The following DOCK1 variants were observed in gnomAD, a reference collection of about 807,000 sequenced individuals.
DOCK1 encodes dedicator of cytokinesis protein 1.
DOCK1 carries 138 observed loss-of-function variants against 262.7 expected under a neutral mutation model. The observed-to-expected ratio is 0.53, with a 90% CI of 0.46 to 0.61. The LOEUF is 0.61. Ranked by LOEUF, DOCK1 falls within the 20% of genes least tolerant of loss-of-function variation. The pLI, the probability that DOCK1 is intolerant of heterozygous loss-of-function variation, is 0.00. For synonymous variants in DOCK1, 866 were observed against 867.4 expected (o/e 1.00, Z 0.03); for missense variants, 1,908 against 2,370.7 (o/e 0.80, Z 4.05).
intron 38 of DOCK1, among the ~76,000 whole-genome samples, chr10:127,400,767 T>C (rs1245710964): frequency 6.6e-6 from 1 of 152,196 alleles, no homozygotes; most frequent in Non-Finnish European, 1.5e-5. Context: ...AGATCTGATC[T>C]AAATCCTCAC....
intron 1 of DOCK1, among the ~76,000 whole-genome samples, chr10:126,958,230 G>A (rs1405025040): frequency 6.6e-6 from 1 of 152,162 alleles, no homozygotes; most frequent in Non-Finnish European, 1.5e-5. Context: ...ATGGATGTGA[G>A]CATATTTATG....
intron 29 of DOCK1, among the ~76,000 whole-genome samples, chr10:127,304,486 A>G (rs780844958): frequency 6.6e-5 from 10 of 152,194 alleles, no homozygotes; most frequent in Non-Finnish European, 1.2e-4. Flanking sequence ...TAAAACCTCC[A>G]GAGTAGGAGG....
At chr10:127,253,082 C>T (rs565725418) in intron 28 of DOCK1, among the ~76,000 whole-genome samples, 3 of 152,256 alleles carry the variant, frequency 2.0e-5, no homozygotes, top group East Asian at 3.9e-4. Context: ...ACTCTGAGGA[C>T]AGAGACCATC....
chr10:127,400,008 G>A (rs2067129932), intron 38 of DOCK1, among the ~76,000 whole-genome samples: 1 of 152,134 alleles, frequency 6.6e-6, no homozygotes, highest in African/African-American at 2.4e-5. Context: ...TGGGGACTCT[G>A]GGAAGGGACC....
chr10:127,018,543 C>T (rs750055327), intron 12 of DOCK1, 167 bp from the exon 13 acceptor site: 60 of 1,044,200 alleles, frequency 5.7e-5, no homozygotes, highest in Non-Finnish European at 7.2e-5. Context: ...GGAGTCCCCA[C>T]GACAGGCACC....
At chr10:127,186,018 A>T (rs971649719) in intron 27 of DOCK1, among the ~76,000 whole-genome samples, 7 of 152,232 alleles carry the variant, frequency 4.6e-5, no homozygotes, top group African/African-American at 1.4e-4. Context: ...GAGTTTAATT[A>T]AAAAATCTCA....
At chr10:127,196,281 G>A (rs1050941641) in intron 27 of DOCK1, 6 of 149,028 alleles carry the variant, frequency 4.0e-5, no homozygotes, top group Admixed American at 6.7e-5. Flanking sequence ...AGCGACGCGC[G>A]CGGGGAGGCA....
At chr10:127,023,137 A>C (rs2042563741) in intron 13 of DOCK1, 63 bp from the exon 14 acceptor site, 1 of 1,579,382 alleles carries the variant, frequency 6.3e-7, no homozygotes, top group Non-Finnish European at 8.6e-7. Context: ...CAGTCTTGCA[A>C]AATTCACAAT....
intron 29 of DOCK1, among the ~76,000 whole-genome samples, chr10:127,321,557 C>T (rs2062529322): frequency 1.3e-5 from 2 of 151,668 alleles, no homozygotes; most frequent in South Asian, 4.2e-4. Flanking sequence ...GATCCCAGAC[C>T]CCACTTTCAC....
At chr10:127,290,667 G>A (rs1235932319) in intron 29 of DOCK1, among the ~76,000 whole-genome samples, 1 of 152,108 alleles carries the variant, frequency 6.6e-6, no homozygotes, top group Non-Finnish European at 1.5e-5. Flanking sequence ...TTACATAAAT[G>A]GGCTCATACA....
chr10:127,107,084 A>G (rs571682458), intron 24 of DOCK1, among the ~76,000 whole-genome samples: 2 of 152,250 alleles, frequency 1.3e-5, no homozygotes, highest in South Asian at 2.1e-4. Context: ...CTGCCTTCAA[A>G]GCACTGGAAT....
intron 27 of DOCK1, among the ~76,000 whole-genome samples, chr10:127,163,589 C>T (rs578054458): frequency 6.6e-6 from 1 of 152,250 alleles, no homozygotes; most frequent in South Asian, 2.1e-4. Flanking sequence ...GAACTGATAA[C>T]ATGCCCTTTT....
chr10:126,952,341 ATGGTGG>A (rs1364522893), intron 1 of DOCK1, among the ~76,000 whole-genome samples: 4 of 150,836 alleles, frequency 2.7e-5, no homozygotes, highest in African/African-American at 7.3e-5. Flanking sequence ...ATTGTTGGTG[ATGGTGG>A]TGGTAATATT....
At chr10:127,024,655 T>C in intron 14 of DOCK1, 30 bp from the exon 15 acceptor site, 2 of 1,581,854 alleles carry the variant, frequency 1.3e-6, no homozygotes, top group Non-Finnish European at 1.7e-6. Flanking sequence ...TATGAGGTCT[T>C]ACGTGAGCTC....
chr10:127,073,014 G>T (rs2046320963), intron 23 of DOCK1, among the ~76,000 whole-genome samples: 1 of 152,152 alleles, frequency 6.6e-6, no homozygotes. Flanking sequence ...GAAGATACTA[G>T]GCCTGCAAAC....
At chr10:126,949,807 G>A (rs2036032112) in intron 1 of DOCK1, among the ~76,000 whole-genome samples, 9 of 152,070 alleles carry the variant, frequency 5.9e-5, no homozygotes, top group Non-Finnish European at 1.3e-4. Context: ...GTTTTGACAT[G>A]TCTCTGGCTG....
chr10:126,954,568 C>G (rs1263203611), intron 1 of DOCK1, among the ~76,000 whole-genome samples: 1 of 152,178 alleles, frequency 6.6e-6, no homozygotes, highest in African/African-American at 2.4e-5. Context: ...AGACTCTGTT[C>G]CTATTAAACA....
At chr10:127,445,230 G>T (rs1352020458) in intron 50 of DOCK1, among the ~76,000 whole-genome samples, 6 of 152,184 alleles carry the variant, frequency 3.9e-5, no homozygotes, top group Non-Finnish European at 8.8e-5. Flanking sequence ...GGGGACGGCA[G>T]CAGAACCGGG....
chr10:127,347,272 G>A (rs1436777191), intron 31 of DOCK1, among the ~76,000 whole-genome samples: 1 of 152,224 alleles, frequency 6.6e-6, no homozygotes, highest in Admixed American at 6.5e-5. Flanking sequence ...CGGTGCCGGG[G>A]ACAAAGACAC....
Sources: allele counts gnomAD v4.1 joint callset (sites outside exome capture counted in the v4.1 genomes callset), GRCh38; gene constraint gnomAD v4.1.1; transcripts MANE v1.5; gene names NCBI Gene and HGNC (gene_info 2026-07-23, HGNC 2026-07-21).